SLC24A3: variants seen among roughly 807,000 people sequenced by gnomAD.
The protein encoded by SLC24A3 is solute carrier family 24 member 3.
SLC24A3 carries 28 observed loss-of-function variants against 75.8 expected under a neutral mutation model. The observed-to-expected ratio is 0.37, with a 90% CI of 0.27 to 0.51. The LOEUF (loss-of-function observed/expected upper bound fraction) is 0.51. Ranked by LOEUF, SLC24A3 falls within the 20% of genes least tolerant of loss-of-function variation. SLC24A3 has a pLI of 0.94. For missense variants in SLC24A3, 663 were observed against 847.8 expected, an observed-to-expected ratio of 0.78 and a Z score of 2.71; for synonymous variants, 372 against 334.1, an observed-to-expected ratio of 1.11 and a Z score of -1.24.
intron 1 of SLC24A3, among the ~76,000 whole-genome samples, chr20:19,264,787 T>C (rs1983111747): frequency 6.7e-6 from 1 of 150,354 alleles, no homozygotes; most frequent in African/African-American, 2.4e-5. Flanking sequence ...GAGTTTGTGC[T>C]CCTGGAGCAA....
At chr20:19,525,974 G>A (rs997248896) in intron 3 of SLC24A3, among the ~76,000 whole-genome samples, 2 of 152,090 alleles carry the variant, frequency 1.3e-5, no homozygotes, top group Admixed American at 6.5e-5. Context: ...AGTTCTGAAC[G>A]AACTCGGAGG....
At chr20:19,323,707 C>T (rs898215296) in intron 2 of SLC24A3, among the ~76,000 whole-genome samples, 2 of 152,140 alleles carry the variant, frequency 1.3e-5, no homozygotes, top group Non-Finnish European at 2.9e-5. Context: ...ACTATTTATA[C>T]ATTTTATGGA....
At chr20:19,285,724 G>A (rs1416630716) in intron 2 of SLC24A3, among the ~76,000 whole-genome samples, 2 of 148,514 alleles carry the variant, frequency 1.3e-5, no homozygotes, top group African/African-American at 4.9e-5. Flanking sequence ...TTTTTCTTTT[G>A]GCAAGTAACA....
intron 3 of SLC24A3, among the ~76,000 whole-genome samples, chr20:19,569,137 C>G (rs1276533697): frequency 1.3e-5 from 2 of 152,260 alleles, no homozygotes; most frequent in African/African-American, 4.8e-5. Flanking sequence ...CCTGCCCTTC[C>G]CTGGCCAGCC....
intron 3 of SLC24A3, among the ~76,000 whole-genome samples, chr20:19,535,981 T>C (rs2030389101): frequency 6.6e-6 from 1 of 152,140 alleles, no homozygotes; most frequent in African/African-American, 2.4e-5. Flanking sequence ...ACTTGTTTAT[T>C]TGTTTTAAGG....
chr20:19,422,067 C>G (rs532668642), intron 2 of SLC24A3, among the ~76,000 whole-genome samples: 2 of 152,126 alleles, frequency 1.3e-5, no homozygotes, highest in African/African-American at 2.4e-5. Flanking sequence ...TTGAGGGTCA[C>G]TCCTGGGGTG....
chr20:19,404,965 T>G (rs559400510), intron 2 of SLC24A3, among the ~76,000 whole-genome samples: 1 of 152,216 alleles, frequency 6.6e-6, no homozygotes, highest in East Asian at 1.9e-4. Flanking sequence ...TCGGGGTACT[T>G]AGGACAGAGA....
chr20:19,367,004 A>ACC (rs1985903818), intron 2 of SLC24A3, among the ~76,000 whole-genome samples: 1 of 152,220 alleles, frequency 6.6e-6, no homozygotes, highest in African/African-American at 2.4e-5. Context: ...TATCCAAAAG[A>ACC]ACCTATTGTG....
chr20:19,327,741 G>A (rs1984903977), intron 2 of SLC24A3, among the ~76,000 whole-genome samples: 1 of 152,200 alleles, frequency 6.6e-6, no homozygotes, highest in African/African-American at 2.4e-5. Flanking sequence ...ATGCATGGGT[G>A]CATCCTTCTT....
In SLC24A3 at chr20:19,343,458, C is replaced by T. The variant is rs79560040; in HGVS notation, c.271+62371C>T. Among the ~76,000 whole-genome samples the T allele has an allele frequency of 2.3e-4, 35 of 152,090 alleles. No individual in the cohort carries two copies. The East Asian group carries it at 6.8e-3, about 29-fold the overall frequency. Reference sequence around the variant, plus strand: ...AAGCAATTAGACCCCTCACCTGGAGCATAGTGAGTGCTTCATAATTTAGTC... The same window carrying T: ...AAGCAATTAGACCCCTCACCTGGAGTATAGTGAGTGCTTCATAATTTAGTC... On this transcript the variant is annotated intron_variant, in intron 2 of 16. Transcript: ENST00000328041.
chr20:19,453,923 C>T (rs775473642), intron 2 of SLC24A3, among the ~76,000 whole-genome samples: 14 of 152,334 alleles, frequency 9.2e-5, no homozygotes, highest in Non-Finnish European at 1.5e-4. Context: ...TGAAAATACA[C>T]GCAAAGTCTT....
Position 19,237,493 on chromosome 20 carries a change from T to C in SLC24A3, c.142+24509T>C, listed in dbSNP as rs537699117. 1.8e-4 allele frequency among the ~76,000 whole-genome samples: 28 copies of C among 152,272 alleles called. No individual in the cohort carries two copies. In the South Asian group the frequency reaches 3.7e-3, roughly 20 times the overall value. ...TTTGTGGGTTCGGCACCTGTTCCCGTCATGTGCTAGCTCAGCTTGCAGAAC... is the reference window on the plus strand; with the variant it reads ...TTTGTGGGTTCGGCACCTGTTCCCGCCATGTGCTAGCTCAGCTTGCAGAAC... On this transcript the variant is annotated intron_variant, in intron 1 of 16. Transcript: ENST00000328041.
At chr20:19,303,026 T>G (rs1228809594) in intron 2 of SLC24A3, among the ~76,000 whole-genome samples, 1 of 152,130 alleles carries the variant, frequency 6.6e-6, no homozygotes, top group Admixed American at 6.5e-5. Context: ...ACTTTTATTT[T>G]AGTTTCAGTG....
At chr20:19,348,840 C>T (rs1211936972) in intron 2 of SLC24A3, among the ~76,000 whole-genome samples, 6 of 152,182 alleles carry the variant, frequency 3.9e-5, no homozygotes, top group African/African-American at 1.4e-4. Context: ...AATCCACTCT[C>T]CATCTGCCCT....
At chr20:19,671,656 T>G (rs1039860988) in intron 8 of SLC24A3, among the ~76,000 whole-genome samples, 1 of 151,724 alleles carries the variant, frequency 6.6e-6, no homozygotes, top group Non-Finnish European at 1.5e-5. Context: ...TGTTTTTTTG[T>G]TTTTTTGTTT....
intron 2 of SLC24A3, among the ~76,000 whole-genome samples, chr20:19,490,960 C>G (rs950060344): frequency 1.3e-5 from 2 of 152,236 alleles, no homozygotes; most frequent in African/African-American, 4.8e-5. Flanking sequence ...CATTGCTTCT[C>G]TGTTTCTTCT....
At chr20:19,474,272 C>T (rs987168255) in intron 2 of SLC24A3, among the ~76,000 whole-genome samples, 1 of 152,214 alleles carries the variant, frequency 6.6e-6, no homozygotes, top group Non-Finnish European at 1.5e-5. Flanking sequence ...CCCTGTGTCC[C>T]CCGGGGCTCC....
chr20:19,396,633 G>T (rs999823434), intron 2 of SLC24A3, among the ~76,000 whole-genome samples: 1 of 152,156 alleles, frequency 6.6e-6, no homozygotes, highest in Non-Finnish European at 1.5e-5. Flanking sequence ...CACAGCCTTT[G>T]GTTGGAATGA....
At chr20:19,256,787 A>G (rs868189279) in intron 1 of SLC24A3, among the ~76,000 whole-genome samples, 10 of 151,842 alleles carry the variant, frequency 6.6e-5, no homozygotes, top group South Asian at 6.3e-4. Context: ...AAAAAAAAAA[A>G]AGAGAATTTT....
Sources: gnomAD v4.1 joint callset for allele counts (sites outside exome capture counted in the v4.1 genomes callset) on GRCh38, gnomAD v4.1.1 for gene constraint, MANE v1.5 for transcripts, NCBI Gene and HGNC (gene_info 2026-07-23, HGNC 2026-07-21) for gene names.